CTNNA2: variants seen among roughly 807,000 people sequenced by gnomAD.
The protein encoded by CTNNA2 is catenin alpha 2.
In CTNNA2, 42 loss-of-function variants were observed where a neutral mutation model predicts 101.0. The observed-to-expected ratio is 0.42, with a 90% CI of 0.32 to 0.54. The LOEUF (loss-of-function observed/expected upper bound fraction) is 0.54. Ranked by LOEUF, CTNNA2 falls within the 20% of genes least tolerant of loss-of-function variation. The probability of loss-of-function intolerance (pLI) is 0.14; values close to 1 mark genes in which losing one functional copy is unlikely to be tolerated. For synonymous variants in CTNNA2, 450 were observed against 456.4 expected (o/e 0.99, Z 0.18); for missense variants, 871 against 1,223.1 (o/e 0.71, Z 4.29).
Position 79,869,923 on chromosome 2 carries a change from A to G in CTNNA2, c.573A>G (p.Ala191=), listed in dbSNP as rs760888410. The stretch of plus-strand genomic sequence containing the variant: ...TGGTGAAACTTAACTATGTAGCAGC[A>G]AGAAGACAACAGGTGGGAAAGATTT... The part of the protein sequence containing the change: ...KEMVKLNYVA[A]RRQQELKDPH... Residue 191 remains alanine, a synonymous_variant, in exon 5 of 19, where the codon GCA becomes GCG. Coordinates refer to ENST00000402739, the MANE Select transcript of CTNNA2 (RefSeq NM_001282597.3). The G allele has an allele frequency of 6.2e-7, 1 of 1,613,860 alleles. No individual in the cohort carries two copies. Among genetic ancestry groups the G allele is most frequent in the East Asian group, 2.2e-5 (1 of 44,880 alleles).
At chr2:79,989,647 A>G (rs1692028084) in intron 7 of CTNNA2, among the ~76,000 whole-genome samples, 1 of 152,014 alleles carries the variant, frequency 6.6e-6, no homozygotes, top group Admixed American at 6.6e-5. Flanking sequence ...CCTCAAATAA[A>G]CAACAACAAC....
intron 2 of CTNNA2, among the ~76,000 whole-genome samples, chr2:79,715,218 A>C (rs1479207535): frequency 1.3e-5 from 2 of 150,616 alleles, no homozygotes; most frequent in Non-Finnish European, 3.0e-5. Flanking sequence ...AAAAAAAAAA[A>C]AAAAAAAAAA....
intron 1 of CTNNA2, among the ~76,000 whole-genome samples, chr2:79,589,762 C>G (rs1214400014): frequency 1.3e-5 from 2 of 150,288 alleles, no homozygotes; most frequent in African/African-American, 4.9e-5. Context: ...ATCAGGACGG[C>G]GTGGAAACTA....
chr2:79,532,940 A>G (rs760670189), intron 1 of CTNNA2, among the ~76,000 whole-genome samples: 1 of 152,030 alleles, frequency 6.6e-6, no homozygotes, highest in South Asian at 2.1e-4. Flanking sequence ...CCAAAAAGAC[A>G]TTATCATGCT....
chr2:80,646,860 T>G (rs1210943535), intron 18 of CTNNA2, among the ~76,000 whole-genome samples: 4 of 152,108 alleles, frequency 2.6e-5, no homozygotes. Flanking sequence ...ACTGGACCTC[T>G]GCATGTATCA....
At chr2:80,171,083 A>G (rs1386728956) in intron 7 of CTNNA2, among the ~76,000 whole-genome samples, 3 of 152,218 alleles carry the variant, frequency 2.0e-5, no homozygotes, top group Non-Finnish European at 4.4e-5. Flanking sequence ...ATTATTTAAA[A>G]TTCTCCTTAG....
At chr2:79,216,931 C>T (rs1238610453) in intron 2 of CTNNA2, among the ~76,000 whole-genome samples, 5 of 152,112 alleles carry the variant, frequency 3.3e-5, no homozygotes, top group South Asian at 2.1e-4. Context: ...ATCAGAGAGG[C>T]GTCCCTGCAA....
intron 7 of CTNNA2, among the ~76,000 whole-genome samples, chr2:80,353,058 T>C (rs1401047709): frequency 6.6e-6 from 1 of 152,108 alleles, no homozygotes; most frequent in Non-Finnish European, 1.5e-5. Context: ...GATGTGACTA[T>C]GTCTTCCCCA....
intron 1 of CTNNA2, among the ~76,000 whole-genome samples, chr2:79,575,187 C>G (rs1022518719): frequency 2.0e-5 from 3 of 152,104 alleles, no homozygotes; most frequent in African/African-American, 7.2e-5. Context: ...ATCTGGTTCT[C>G]GAAGTTTATC....
At chr2:80,258,379 G>A (rs1229172561) in intron 7 of CTNNA2, among the ~76,000 whole-genome samples, 1 of 152,156 alleles carries the variant, frequency 6.6e-6, no homozygotes. Context: ...AACTTAATTT[G>A]TGCAACACTT....
chr2:80,560,069 A>AAAAAAAAAAAG (rs1553387766), intron 12 of CTNNA2, among the ~76,000 whole-genome samples: 1 of 141,130 alleles, frequency 7.1e-6, no homozygotes, highest in African/African-American at 2.6e-5. Flanking sequence ...AAAAAAAAAA[A>AAAAAAAAAAAG]AAAGAAAAAA....
In CTNNA2 at chr2:80,589,527, C is replaced by A. The variant is rs1293502104; in HGVS notation, c.2189+42C>A. Reference sequence around the variant, plus strand: ...GGGAGCTGAAGATTTTTTCATTAAACCCAGAAGTGTAGCAGTGTGTATTAG... The same window carrying A: ...GGGAGCTGAAGATTTTTTCATTAAAACCAGAAGTGTAGCAGTGTGTATTAG... On this transcript the variant is annotated intron_variant, in intron 15 of 18. Transcript: ENST00000402739. The A allele has an allele frequency of 3.8e-6, 6 of 1,591,442 alleles. No individual in the cohort carries two copies. In the South Asian group the frequency reaches 6.8e-5, roughly 18 times the overall value.
intron 3 of CTNNA2, among the ~76,000 whole-genome samples, chr2:79,783,718 A>G (rs567189626): frequency 6.6e-6 from 1 of 152,232 alleles, no homozygotes; most frequent in East Asian, 1.9e-4. Flanking sequence ...CTTCCCTGCC[A>G]ACATGTATCT....
chr2:80,093,399 T>G (rs61581109), intron 7 of CTNNA2, among the ~76,000 whole-genome samples: 11,174 of 152,268 alleles, frequency 0.073, 647 homozygotes, highest in African/African-American at 0.17. Context: ...TAATCCAGTC[T>G]ATCATTGTTG....
At chr2:79,646,425 C>A (rs1014377871) in intron 1 of CTNNA2, among the ~76,000 whole-genome samples, 1 of 151,774 alleles carries the variant, frequency 6.6e-6, no homozygotes, top group Non-Finnish European at 1.5e-5. Flanking sequence ...GTGCCTCTTT[C>A]TTACCACCAC....
At chr2:79,383,971 T>C (rs1678069368) in intron 4 of CTNNA2, among the ~76,000 whole-genome samples, 1 of 152,088 alleles carries the variant, frequency 6.6e-6, no homozygotes, top group Non-Finnish European at 1.5e-5. Flanking sequence ...GGAGCTATTA[T>C]CTAGGCCCAT....
chr2:79,536,686 T>TTTTC (rs1553422847), intron 1 of CTNNA2, among the ~76,000 whole-genome samples: 35 of 140,030 alleles, frequency 2.5e-4, no homozygotes, highest in African/African-American at 7.8e-4. Flanking sequence ...ATGGATTTTT[T>TTTTC]TTTTCTTTTC....
intron 2 of CTNNA2, among the ~76,000 whole-genome samples, chr2:79,298,631 T>G (rs768196029): frequency 6.6e-6 from 1 of 152,212 alleles, no homozygotes; most frequent in Non-Finnish European, 1.5e-5. Flanking sequence ...TAATTCACTC[T>G]TCTTTTCTCT....
At position 79,972,206 on chromosome 2, in the gene CTNNA2, A is replaced by G. The variant is rs140157811; in HGVS notation, c.1056+62409A>G. On this transcript the variant is annotated intron_variant, in intron 7 of 18. Coordinates refer to ENST00000402739, the MANE Select transcript of CTNNA2 (RefSeq NM_001282597.3). Reference sequence around the variant, plus strand: ...GAGCAGAACCTTTGTTCATTGTTTTATTATCAGCAAAAAATCTATTAAGTA... The same window carrying G: ...GAGCAGAACCTTTGTTCATTGTTTTGTTATCAGCAAAAAATCTATTAAGTA... Among the ~76,000 whole-genome samples the G allele has an allele frequency of 7.6e-4, 116 of 152,288 alleles. 1 individual carries two copies. The Middle Eastern group carries it at 0.01, about 13-fold the overall frequency.
Sources: gnomAD v4.1 joint callset for allele counts (sites outside exome capture counted in the v4.1 genomes callset) on GRCh38, gnomAD v4.1.1 for gene constraint, MANE v1.5 for transcripts, NCBI Gene and HGNC (gene_info 2026-07-23, HGNC 2026-07-21) for gene names.